The following DSP variants were observed in gnomAD, a reference collection of about 807,000 sequenced individuals.
DSP encodes 250/210 kDa paraneoplastic pemphigus antigen.
DSP carries 114 observed loss-of-function variants against 290.6 expected under a neutral mutation model. That is an observed-to-expected ratio of 0.39 (90% CI 0.34 to 0.46). The LOEUF (loss-of-function observed/expected upper bound fraction) is 0.46, where lower values mean the gene tolerates loss of function less well. Ranked by LOEUF, DSP falls within the 20% of genes least tolerant of loss-of-function variation. The pLI is 0.99. For synonymous variants in DSP, 1,311 were observed against 1,316.4 expected (o/e 1.00, Z 0.09); for missense variants, 3,230 against 3,495.8 (o/e 0.92, Z 1.92).
intron 16 of DSP, 26 bp from the exon 17 acceptor site, chr6:7,574,631 T>G: frequency 1.9e-6 from 3 of 1,613,922 alleles, no homozygotes; most frequent in Non-Finnish European, 2.5e-6. Context: ...ACTGGCAATT[T>G]TATGTGCTTC....
At chr6:7,563,874 GA>G in intron 6 of DSP, 88 bp downstream of exon 6, 1 of 1,198,824 alleles carries the variant, frequency 8.3e-7, no homozygotes, top group East Asian at 2.3e-5. Context: ...TCCTGGCGGG[GA>G]GGCACCTGTT....
chr6:7,541,901 C>A lies in DSP; in HGVS notation c.-15C>A. The A allele has an allele frequency of 6.2e-7, 1 of 1,602,622 alleles. No individual in the cohort carries two copies. Among genetic ancestry groups the A allele is most frequent in the East Asian group, 2.3e-5 (1 of 44,278 alleles). ...ATGCCTCGGCGCTGAGCCGCTCTCC[C>A]GATTGCCCGCCGACATGAGCTGCAA... On this transcript the variant is annotated 5_prime_UTR_variant, in exon 1 of 24. Coordinates refer to ENST00000379802, the MANE Select transcript of DSP (RefSeq NM_004415.4).
At position 7,541,773 on chromosome 6, in the gene DSP, A is replaced by C; in HGVS notation, c.-143A>C. ...GCAGCGGCCTCGGGAGGGCCCAGGT[A>C]GCGAGCAGCGACCTCGCGAGCCTTC... On this transcript the variant is annotated 5_prime_UTR_variant, in exon 1 of 24. Coordinates refer to ENST00000379802, the MANE Select transcript of DSP (RefSeq NM_004415.4). 1.9e-6 allele frequency: 2 copies of C among 1,060,248 alleles called. No homozygotes were observed. Among genetic ancestry groups the C allele is most frequent in the Non-Finnish European group, 2.6e-6 (2 of 761,526 alleles). 65.7% of individuals were successfully genotyped at this position (1,060,248 alleles called of 1,614,324 possible).
rs1170663109 is a variant in DSP, at chr6:7,565,099, G to A, written c.778-260G>A. ...GGGGAGGTTGCAGTGAACCGAGATC[G>A]CTCATGCCACTGCACTCCAGCCTGG... is the stretch of plus-strand genomic sequence containing the variant. On this transcript the variant is annotated intron_variant, in intron 6 of 23. Coordinates refer to ENST00000379802, the MANE Select transcript of DSP (RefSeq NM_004415.4). This position sits in a 1 kb window ranked among gnomAD's most constrained non-coding sequence, Gnocchi z 4.2. Among the ~76,000 whole-genome samples, 3 of 151,932 alleles carry A rather than the reference G, an allele frequency of 2.0e-5. No individual in the cohort carries two copies. The highest frequency in any genetic ancestry group is 2.9e-5 in the Non-Finnish European group (2 of 67,984).
chr6:7,581,069 A>G lies in DSP; in HGVS notation c.4879A>G (p.Lys1627Glu), dbSNP rs774563557. Residue 1627 changes from lysine (K) to glutamate (E), a missense_variant, in exon 23 of 24, where the codon AAG becomes GAG. Physicochemically the swap from Lys to Glu is moderately conservative, Grantham distance 56 (BLOSUM62 1). Around this residue, in one of 5 missense-constraint regions of DSP, gnomAD observed 1,714 missense variants for 1,844.5 expected, o/e 0.93. Transcript: ENST00000379802. ...GCTGGAGCAGGCATCCATTGTTAAG[A>G]AGAGGAGTGAGGATGACCTCCGGCA... ...QQLEQASIVK[K>E]RSEDDLRQQR... 2 of 1,614,056 alleles carry G rather than the reference A, an allele frequency of 1.2e-6. No homozygotes were observed. The highest frequency in any genetic ancestry group is 2.2e-5 in the South Asian group (2 of 91,080).
At chr6:7,560,441 A>G (rs976303042) in intron 4 of DSP, among the ~76,000 whole-genome samples, 9 of 152,374 alleles carry the variant, frequency 5.9e-5, no homozygotes, top group African/African-American at 1.9e-4. Flanking sequence ...CAGTTAAAAT[A>G]TCAGAAACCT....
In DSP at chr6:7,580,502, T is replaced by C. The variant is rs1561698695; in HGVS notation, c.4312T>C (p.Ser1438Pro). The C allele has an allele frequency of 1.2e-6, 2 of 1,613,724 alleles. No homozygotes were observed. ...EDIQQQKATG[S>P]EVSQRKQQLE... ...CATCCAACAGCAAAAGGCCACTGGC[T>C]CTGAGGTGTCTCAGAGGAAACAGCA... Residue 1438 changes from serine to proline, a missense_variant, in exon 23 of 24, where the codon TCT (serine) becomes CCT (proline). By Grantham distance (74) the Ser-to-Pro change is moderately conservative. This residue lies in a region of DSP where 1,714 missense variants were observed against 1,844.5 expected (regional missense o/e 0.93). Coordinates refer to ENST00000379802, the MANE Select transcript of DSP (RefSeq NM_004415.4). This position sits in a 1 kb window ranked among gnomAD's most constrained non-coding sequence, Gnocchi z 4.2.
chr6:7,577,724 G>C (rs1302070289), intron 20 of DSP, 55 bp from the exon 21 acceptor site: 8 of 1,345,128 alleles, frequency 5.9e-6, no homozygotes, highest in Non-Finnish European at 8.5e-6. Context: ...GTAGCTGTTA[G>C]TGATGCTTTT....
At position 7,585,537 on chromosome 6, in the gene DSP, C is replaced by A. The variant is rs148254632; in HGVS notation, c.8275C>A (p.Arg2759Ser). The A allele has an allele frequency of 6.8e-6, 11 of 1,614,108 alleles. No individual in the cohort carries two copies. Among genetic ancestry groups the A allele is most frequent in the Non-Finnish European group, 9.3e-6 (11 of 1,180,036 alleles). Reference protein sequence around the residue: ...EAIRKGFIDGRAAQRLQDTSS... With the variant: ...EAIRKGFIDGSAAQRLQDTSS... The stretch of plus-strand genomic sequence containing the variant: ...CATCCGGAAGGGGTTCATAGATGGC[C>A]GCGCCGCACAGAGGCTGCAAGACAC... The change falls in exon 24 of 24, where the codon CGC becomes AGC. Residue 2759 changes from arginine (R) to serine (S), a missense_variant. Arg to Ser is a moderately radical substitution (Grantham distance 110, BLOSUM62 -1). Transcript: ENST00000379802.
Position 7,580,367 on chromosome 6 carries a change from G to A in DSP, c.4177G>A (p.Ala1393Thr). 6.2e-7 allele frequency: 1 copy of A among 1,614,108 alleles called. No homozygotes were observed. ...GGAAGAGGATACCAGTGGCTACCGG[G>A]CTCAGATAGACAATCTCACCCGAGA... is the stretch of plus-strand genomic sequence containing the variant. ...QKEEDTSGYR[A>T]QIDNLTRENR... Residue 1393 changes from alanine (A) to threonine (T), a missense_variant, in exon 23 of 24, where the codon GCT becomes ACT. By Grantham distance (58) the Ala-to-Thr change is moderately conservative. Around this residue, in one of 5 missense-constraint regions of DSP, gnomAD observed 1,714 missense variants for 1,844.5 expected, o/e 0.93. Transcript: ENST00000379802. This position sits in a 1 kb window ranked among gnomAD's most constrained non-coding sequence, Gnocchi z 4.2.
chr6:7,557,829 C>CT lies in DSP; in HGVS notation c.274-285dup, dbSNP rs112701971. Among the ~76,000 whole-genome samples, 3,566 of 152,250 alleles carry CT rather than the reference C, an allele frequency of 0.023. 132 individuals are homozygous for CT. Among genetic ancestry groups the CT allele is most frequent in the African/African-American group, 0.081 (3,367 of 41,522 alleles). On this transcript the variant is annotated intron_variant, in intron 2 of 23. Transcript: ENST00000379802. ...ACAATGAGATTCCCATTATATGAGA[C>CT]TTGTGTGTAAATATGAAAGATCAGC...
chr6:7,558,023 T>C, intron 2 of DSP, 93 bp from the exon 3 acceptor site: 12 of 1,464,246 alleles, frequency 8.2e-6, no homozygotes, highest in African/African-American at 1.4e-5. Context: ...GTTTTTGTCA[T>C]GTTTACAGTG....
In DSP at chr6:7,584,361, T is replaced by C; in HGVS notation, c.7099T>C (p.Leu2367=). The change falls in exon 24 of 24, where the codon TTA becomes CTA. Residue 2367 remains leucine (L), a synonymous_variant. Coordinates refer to ENST00000379802, the MANE Select transcript of DSP (RefSeq NM_004415.4). This position sits in a 1 kb window ranked among gnomAD's most constrained non-coding sequence, Gnocchi z 6.4. ...CATCGAAAAGGGCCACGGTATTCGC[T>C]TATTAGAAGCACAGATCGCAACCGG... The part of the protein sequence containing the change: ...ELIEKGHGIR[L]LEAQIATGGI... 2 of 1,614,136 alleles carry C rather than the reference T, an allele frequency of 1.2e-6. No homozygotes were observed. Among genetic ancestry groups the C allele is most frequent in the South Asian group, 2.2e-5 (2 of 91,082 alleles).
Position 7,585,776 on chromosome 6 carries a change from C to G in DSP, c.8514C>G (p.Arg2838=). The G allele has an allele frequency of 6.2e-7, 1 of 1,609,648 alleles. No homozygotes were observed. The highest frequency in any genetic ancestry group is 1.7e-4 in the Middle Eastern group (1 of 6,022). The change falls in exon 24 of 24, where the codon CGC becomes CGG. Residue 2838 remains arginine, a synonymous_variant. Coordinates refer to ENST00000379802, the MANE Select transcript of DSP (RefSeq NM_004415.4). ...GSRSGSRSGS[R]SGSRSGSRRG... is the part of the protein sequence containing the mutation. ...GCTCGGGATCTCGCTCCGGATCTCG[C>G]TCCGGGTCCCGCAGTGGGTCCCGGA...
chr6:7,583,044 T>G lies in DSP; in HGVS notation c.5782T>G (p.Leu1928Val). The change falls in exon 24 of 24, where the codon TTA becomes GTA. Residue 1928 changes from leucine to valine, a missense_variant. This residue lies in a region of DSP where 1,714 missense variants were observed against 1,844.5 expected (regional missense o/e 0.93). Transcript: ENST00000379802. This position sits in a 1 kb window ranked among gnomAD's most constrained non-coding sequence, Gnocchi z 4.0. Reference sequence around the variant, plus strand: ...TTCTACCAGGGAGACACAGTCACAGTTAGAAACAGAACGCTCCCGATATCA... The same window carrying G: ...TTCTACCAGGGAGACACAGTCACAGGTAGAAACAGAACGCTCCCGATATCA... ...EDSTRETQSQ[L>V]ETERSRYQRE... The G allele has an allele frequency of 6.2e-7, 1 of 1,613,570 alleles. No homozygotes were observed. The highest frequency in any genetic ancestry group is 8.5e-7 in the Non-Finnish European group (1 of 1,179,890).
intron 1 of DSP, among the ~76,000 whole-genome samples, chr6:7,554,082 A>AACACACACACACACACATAC (rs1758421942): frequency 4.3e-5 from 5 of 115,946 alleles, no homozygotes; most frequent in South Asian, 3.1e-4. Flanking sequence ...CTTTCTTTAA[A>AACACACACACACACACATAC]ACACACACAC....
intron 1 of DSP, among the ~76,000 whole-genome samples, chr6:7,552,282 G>A (rs979226190): frequency 1.6e-4 from 24 of 152,066 alleles, no homozygotes; most frequent in African/African-American, 4.8e-4. Context: ...GAGACAGGGC[G>A]CGGTGGCTCA....
In DSP at chr6:7,585,690, T is replaced by C; in HGVS notation, c.8428T>C (p.Ser2810Pro). The change falls in exon 24 of 24, where the codon TCC (serine) becomes CCC (proline). Residue 2810 changes from serine (S) to proline (P), a missense_variant. Physicochemically the swap from Ser to Pro is moderately conservative, Grantham distance 74. Coordinates refer to ENST00000379802, the MANE Select transcript of DSP (RefSeq NM_004415.4). ...LRLLEAASVS[S>P]KGLPSPYNMS... ...CCTTCTGGAAGCCGCCTCCGTGTCG[T>C]CCAAGGGCTTACCCAGCCCTTACAA... The C allele has an allele frequency of 6.2e-7, 1 of 1,614,178 alleles. No homozygotes were observed. The highest frequency in any genetic ancestry group is 8.5e-7 in the Non-Finnish European group (1 of 1,180,028).
rs780818526 is a variant in DSP, at chr6:7,585,388, C to T, written c.8126C>T (p.Ala2709Val). 3.7e-6 allele frequency: 6 copies of T among 1,613,968 alleles called. No individual in the cohort carries two copies. Among genetic ancestry groups the T allele is most frequent in the Non-Finnish European group, 3.4e-6 (4 of 1,179,990 alleles). ...EGVKGKKKMS[A>V]AEAVKEKWLP... Reference sequence around the variant, plus strand: ...GTGAAGGGAAAGAAGAAGATGTCAGCAGCAGAGGCAGTGAAAGAAAAATGG... The same window carrying T: ...GTGAAGGGAAAGAAGAAGATGTCAGTAGCAGAGGCAGTGAAAGAAAAATGG... Residue 2709 changes from alanine (A) to valine (V), a missense_variant, in exon 24 of 24, where the codon GCA (alanine) becomes GTA (valine). Ala to Val is a moderately conservative substitution (Grantham distance 64). Transcript: ENST00000379802.
Sources: allele counts gnomAD v4.1 joint callset (sites outside exome capture counted in the v4.1 genomes callset), GRCh38; gene constraint gnomAD v4.1.1; regional missense constraint gnomAD v4.1.1; non-coding constraint Gnocchi (gnomAD v3.1); transcripts MANE v1.5; gene names NCBI Gene and HGNC (gene_info 2026-07-23, HGNC 2026-07-21).